IGFL4: variants seen among roughly 807,000 people sequenced by gnomAD.
The protein encoded by IGFL4 is insulin growth factor-like family member 4.
A neutral mutation model predicts 15.4 loss-of-function variants in IGFL4; 12 were observed. The observed-to-expected ratio is 0.78, with a 90% CI of 0.50 to 1.26. IGFL4 has a LOEUF of 1.26. Ranked by LOEUF, IGFL4 falls within the 50% of genes most tolerant of loss-of-function variation. IGFL4 has a pLI of 0.00. For missense variants in IGFL4, 126 were observed against 147.8 expected (o/e 0.85, Z 0.76); for synonymous variants, 54 against 55.9 (o/e 0.97, Z 0.16).
At chr19:46,062,401 T>G (rs552414990) in intron 1 of IGFL4, among the ~76,000 whole-genome samples, 3 of 152,230 alleles carry the variant, frequency 2.0e-5, no homozygotes, top group Non-Finnish European at 2.9e-5. Context: ...CCTACTGAGC[T>G]ACAGCACTGA....
chr19:46,048,127 C>A (rs1444608792), intron 2 of IGFL4, among the ~76,000 whole-genome samples: 1 of 152,244 alleles, frequency 6.6e-6, no homozygotes, highest in African/African-American at 2.4e-5. Context: ...CGCAAAGCAA[C>A]AAATGTGATT....
chr19:46,074,055 G>C (rs563731297), intron 1 of IGFL4, among the ~76,000 whole-genome samples: 1 of 152,128 alleles, frequency 6.6e-6, no homozygotes, highest in South Asian at 2.1e-4. Flanking sequence ...CACAGTGTTA[G>C]CTACGATGGC....
intron 2 of IGFL4, among the ~76,000 whole-genome samples, chr19:46,049,474 G>A (rs942381661): frequency 6.6e-6 from 1 of 152,150 alleles, no homozygotes; most frequent in Non-Finnish European, 1.5e-5. Flanking sequence ...CTGCATGGGA[G>A]CTGGGTGAGG....
chr19:46,075,861 A>G (rs1034666626), intron 1 of IGFL4, among the ~76,000 whole-genome samples: 1 of 152,076 alleles, frequency 6.6e-6, no homozygotes, highest in South Asian at 2.1e-4. Flanking sequence ...CTCCCCACTT[A>G]TTTATTCAAT....
At chr19:46,050,489 G>GA (rs1197277027) in intron 2 of IGFL4, among the ~76,000 whole-genome samples, 1 of 152,180 alleles carries the variant, frequency 6.6e-6, no homozygotes, top group Non-Finnish European at 1.5e-5. Flanking sequence ...ACAGCTTCTT[G>GA]AAATCCAGGA....
intron 2 of IGFL4, among the ~76,000 whole-genome samples, chr19:46,050,068 A>C (rs1016974114): frequency 2.1e-4 from 32 of 152,260 alleles, no homozygotes; most frequent in Middle Eastern, 6.8e-3. Context: ...GAGAAATAAC[A>C]ATCACTGCAG....
chr19:46,040,847 TTAAA>T lies in IGFL4; in HGVS notation c.19+93_19+96del. On this transcript the variant is annotated intron_variant, in intron 1 of 3. Coordinates refer to ENST00000377697, the MANE Select transcript of IGFL4 (RefSeq NM_001002923.3). The surrounding 1 kb of genome is among the most constrained non-coding windows in gnomAD (Gnocchi z 4.1). ...TGATTATGAGGTGGGACACCAATAATTAAATAGGGAAGAGAGAATTAACTTTGAA... is the reference window on the plus strand; with the variant it reads ...TGATTATGAGGTGGGACACCAATAATTAGGGAAGAGAGAATTAACTTTGAA... 8.3e-7 allele frequency: 1 copy of T among 1,205,762 alleles called. No individual in the cohort carries two copies. The highest frequency in any genetic ancestry group is 1.2e-6 in the Non-Finnish European group (1 of 834,308). The allele number at this position is 1,205,762 out of a possible 1,614,324, so 74.7% of individuals were successfully genotyped here. A position where few individuals can be genotyped will look rare whatever the true frequency, so the allele number is the denominator to read the frequency against.
intron 2 of IGFL4, among the ~76,000 whole-genome samples, chr19:46,056,898 G>A (rs771571404): frequency 2.6e-4 from 40 of 152,274 alleles, no homozygotes; most frequent in Non-Finnish European, 5.3e-4. Context: ...CCTTTGACCT[G>A]ACCCTCTTCT....
chr19:46,065,848 G>A (rs973737666), intron 1 of IGFL4, among the ~76,000 whole-genome samples: 1 of 152,174 alleles, frequency 6.6e-6, no homozygotes, highest in Non-Finnish European at 1.5e-5. Context: ...TCTCTAGAGG[G>A]TAAAATGTGA....
At chr19:46,074,475 A>G (rs1403894840) in intron 1 of IGFL4, among the ~76,000 whole-genome samples, 1 of 152,000 alleles carries the variant, frequency 6.6e-6, no homozygotes, top group Non-Finnish European at 1.5e-5. Flanking sequence ...AAATAGTATT[A>G]ACTCACAGGA....
chr19:46,042,748 T>A (rs927991555), upstream of IGFL4, among the ~76,000 whole-genome samples: 1 of 152,194 alleles, frequency 6.6e-6, no homozygotes, highest in Non-Finnish European at 1.5e-5. Flanking sequence ...AATAATAGGA[T>A]GCCTGTTGCT....
chr19:46,063,772 C>T (rs2146524913), intron 1 of IGFL4, among the ~76,000 whole-genome samples: 1 of 152,308 alleles, frequency 6.6e-6, no homozygotes, highest in African/African-American at 2.4e-5. Flanking sequence ...AAGATCTTAA[C>T]ACTGACAGTT....
intron 1 of IGFL4, among the ~76,000 whole-genome samples, chr19:46,071,295 T>C (rs1969543514): frequency 6.6e-6 from 1 of 152,138 alleles, no homozygotes; most frequent in Admixed American, 6.5e-5. Context: ...CTCCCTTGAC[T>C]ATGTTGGGGG....
At chr19:46,063,283 A>C (rs774303189) in intron 1 of IGFL4, among the ~76,000 whole-genome samples, 2 of 151,870 alleles carry the variant, frequency 1.3e-5, no homozygotes, top group African/African-American at 2.4e-5. Flanking sequence ...CAGAGCTATC[A>C]CCAAAGCCTC....
intron 2 of IGFL4, chr19:46,058,729 C>T (rs1969416925): frequency 6.6e-6 from 1 of 152,238 alleles, no homozygotes; most frequent in African/African-American, 2.4e-5. Context: ...GGCTCAACAC[C>T]ATGTGGATGC....
chr19:46,073,030 A>G (rs1191498979), intron 1 of IGFL4, among the ~76,000 whole-genome samples: 1 of 152,194 alleles, frequency 6.6e-6, no homozygotes. Flanking sequence ...GGGATTCTGG[A>G]TTGGATCCTG....
intron 1 of IGFL4, among the ~76,000 whole-genome samples, chr19:46,074,327 T>TGTGG (rs1969575073): frequency 6.6e-6 from 1 of 151,862 alleles, no homozygotes; most frequent in Admixed American, 6.6e-5. Flanking sequence ...ATCTTATTAT[T>TGTGG]GTGGGACCTT....
chr19:46,054,643 A>AT (rs888850030), intron 2 of IGFL4, among the ~76,000 whole-genome samples: 14 of 151,992 alleles, frequency 9.2e-5, no homozygotes, highest in South Asian at 2.1e-4. Context: ...CTCAAAAGCC[A>AT]TTTTTTTTCA....
At chr19:46,068,006 T>G (rs1361620680) in intron 1 of IGFL4, among the ~76,000 whole-genome samples, 1 of 152,230 alleles carries the variant, frequency 6.6e-6, no homozygotes, top group Non-Finnish European at 1.5e-5. Flanking sequence ...GAACTCTGAC[T>G]GCACCTTCCC....
Sources: allele counts gnomAD v4.1 joint callset (sites outside exome capture counted in the v4.1 genomes callset), GRCh38; gene constraint gnomAD v4.1.1; non-coding constraint Gnocchi (gnomAD v3.1); transcripts MANE v1.5; gene names NCBI Gene and HGNC (gene_info 2026-07-23, HGNC 2026-07-21).